CCDC102B: variants seen among roughly 807,000 people sequenced by gnomAD.
The protein encoded by CCDC102B is coiled-coil domain-containing protein 102B.
A neutral mutation model predicts 57.4 loss-of-function variants in CCDC102B; 75 were observed. The observed-to-expected ratio is 1.31, with a 90% confidence interval of 1.08 to 1.58. The LOEUF (loss-of-function observed/expected upper bound fraction) is 1.58. CCDC102B is among the 40% of genes most tolerant of loss of function. The pLI is 0.00. For synonymous variants in CCDC102B, 206 were observed against 201.9 expected (o/e 1.02, Z -0.17); for missense variants, 636 against 582.6 (o/e 1.09, Z -0.94).
intron 6 of CCDC102B, among the ~76,000 whole-genome samples, chr18:68,986,565 C>T (rs567200745): frequency 2.0e-5 from 3 of 152,040 alleles, no homozygotes; most frequent in Admixed American, 6.5e-5. Context: ...GGAACCATTC[C>T]CCTTGAGAAC....
upstream of CCDC102B, among the ~76,000 whole-genome samples, chr18:68,793,707 T>C (rs2144666309): frequency 1.3e-5 from 2 of 152,300 alleles, no homozygotes; most frequent in Admixed American, 1.3e-4. Flanking sequence ...CTGTCAGCTT[T>C]GTGGTCTTAT....
In CCDC102B at chr18:69,016,753, G is replaced by A. The variant is rs145413890; in HGVS notation, c.1434+5649G>A. 4.2e-3 allele frequency among the ~76,000 whole-genome samples: 637 copies of A among 152,178 alleles called. 2 individuals carry two copies. Among genetic ancestry groups the A allele is most frequent in the African/African-American group, 0.014 (574 of 41,532 alleles). ...AATCAGTCAGTCTTCTCTTGATGAA[G>A]GTCATTGGATTTTTTCCCAATATAA... On this transcript the variant is annotated intron_variant, in intron 7 of 7. Coordinates refer to ENST00000360242, the MANE Select transcript of CCDC102B (RefSeq NM_024781.3).
At chr18:68,763,681 TTAAA>T in intron 2 of CCDC102B, among the ~76,000 whole-genome samples, 1 of 147,542 alleles carries the variant, frequency 6.8e-6, no homozygotes, top group Non-Finnish European at 1.5e-5. Flanking sequence ...GGAATATTTG[TTAAA>T]CAAATATTCC....
chr18:68,880,701 A>C (rs888048499), intron 5 of CCDC102B, among the ~76,000 whole-genome samples: 2 of 152,256 alleles, frequency 1.3e-5, no homozygotes, highest in Non-Finnish European at 2.9e-5. Flanking sequence ...TCTCTCAAAT[A>C]CTATTAGAAA....
chr18:69,003,000 T>C (rs901751353), intron 6 of CCDC102B, among the ~76,000 whole-genome samples: 10 of 152,166 alleles, frequency 6.6e-5, no homozygotes, highest in African/African-American at 2.4e-4. Context: ...TGTCATCTTG[T>C]CCTCCAATGC....
intron 7 of CCDC102B, among the ~76,000 whole-genome samples, chr18:69,018,337 T>C (rs554465236): frequency 6.6e-6 from 1 of 152,356 alleles, no homozygotes; most frequent in African/African-American, 2.4e-5. Flanking sequence ...TTTAAATTTT[T>C]TGGGGAACCC....
At chr18:69,011,993 A>G (rs1471348699) in intron 7 of CCDC102B, among the ~76,000 whole-genome samples, 1 of 152,180 alleles carries the variant, frequency 6.6e-6, no homozygotes, top group Non-Finnish European at 1.5e-5. Flanking sequence ...CTCTAATAAT[A>G]TTATATGGAA....
At chr18:69,038,224 ACATTTTAATGTCTGCAGAATGTTC>A (rs2052346423) in intron 7 of CCDC102B, among the ~76,000 whole-genome samples, 1 of 151,928 alleles carries the variant, frequency 6.6e-6, no homozygotes, top group Non-Finnish European at 1.5e-5. Context: ...ATCCAAATAA[ACATTTTAATGTCTGCAGAATGTTC>A]CATTTTAATG....
At chr18:68,888,384 G>A (rs920305552) in intron 5 of CCDC102B, among the ~76,000 whole-genome samples, 2 of 152,142 alleles carry the variant, frequency 1.3e-5, no homozygotes, top group Admixed American at 6.5e-5. Flanking sequence ...ACTATATTCT[G>A]TATTGGTCTA....
intron 6 of CCDC102B, 181 bp downstream of exon 6, chr18:68,897,609 AAG>A (rs1568317843): frequency 6.4e-7 from 1 of 1,551,250 alleles, no homozygotes; most frequent in African/African-American, 1.4e-5. Flanking sequence ...ATCTGAAACA[AAG>A]TGTGTCAAAT....
intron 7 of CCDC102B, 89 bp downstream of exon 7, chr18:69,011,193 G>A (rs183727038): frequency 0.012 from 13,393 of 1,120,336 alleles, 148 homozygotes; most frequent in Non-Finnish European, 0.015. Context: ...TTAACATATG[G>A]CATTAATGGG....
At chr18:68,758,199 T>A (rs1333850946) in intron 2 of CCDC102B, among the ~76,000 whole-genome samples, 1 of 151,850 alleles carries the variant, frequency 6.6e-6, no homozygotes, top group East Asian at 1.9e-4. Context: ...TGTAGACATG[T>A]GTGTTGTATA....
intron 2 of CCDC102B, among the ~76,000 whole-genome samples, chr18:68,770,464 C>T (rs988574331): frequency 2.0e-5 from 3 of 152,178 alleles, no homozygotes; most frequent in African/African-American, 7.2e-5. Flanking sequence ...TTACCTTATT[C>T]CACTGGATAA....
At chr18:68,909,938 T>C (rs1035861856) in intron 6 of CCDC102B, among the ~76,000 whole-genome samples, 3 of 152,158 alleles carry the variant, frequency 2.0e-5, no homozygotes, top group Admixed American at 2.0e-4. Context: ...AAATGCAAGA[T>C]AAAAATCCTG....
At chr18:68,776,498 G>T (rs2034821212) in intron 2 of CCDC102B, among the ~76,000 whole-genome samples, 1 of 152,148 alleles carries the variant, frequency 6.6e-6, no homozygotes, top group Non-Finnish European at 1.5e-5. Context: ...AAAAGAATGA[G>T]ATCATGTCCT....
intron 5 of CCDC102B, among the ~76,000 whole-genome samples, chr18:68,896,765 GAGAGATAGAGAGAT>G (rs1190460824): frequency 1.3e-5 from 2 of 151,754 alleles, no homozygotes; most frequent in Admixed American, 6.6e-5. Context: ...TGCATAGATA[GAGAGATAGAGAGAT>G]AGAGATAGAG....
chr18:68,860,453 T>TAAAAA (rs1243003803), intron 4 of CCDC102B, among the ~76,000 whole-genome samples: 1 of 68,372 alleles, frequency 1.5e-5, no homozygotes, highest in Non-Finnish European at 3.5e-5. Flanking sequence ...AAAGTATAAT[T>TAAAAA]AAAAAAAAAC....
intron 6 of CCDC102B, among the ~76,000 whole-genome samples, chr18:68,967,801 G>T (rs1448945882): frequency 6.6e-6 from 1 of 152,062 alleles, no homozygotes; most frequent in African/African-American, 2.4e-5. Context: ...ATAGCACTGA[G>T]TTGGAAACAT....
chr18:68,827,598 G>A (rs1474479665), intron 1 of CCDC102B, among the ~76,000 whole-genome samples: 4 of 151,872 alleles, frequency 2.6e-5, no homozygotes, highest in South Asian at 2.1e-4. Flanking sequence ...GAGAAAGAGA[G>A]GACACAAAGA....
Sources: allele counts gnomAD v4.1 joint callset (sites outside exome capture counted in the v4.1 genomes callset), GRCh38; gene constraint gnomAD v4.1.1; transcripts MANE v1.5; gene names NCBI Gene and HGNC (gene_info 2026-07-23, HGNC 2026-07-21).